The following TAF3 variants were observed in gnomAD, a reference collection of about 807,000 sequenced individuals.
The protein encoded by TAF3 is transcription initiation factor TFIID subunit 3.
TAF3 carries 7 observed loss-of-function variants against 80.6 expected under a neutral mutation model. The observed-to-expected ratio is 0.09, with a 90% CI of 0.05 to 0.16. TAF3 has a LOEUF of 0.16. Among genes scored for constraint, TAF3 ranks in the 10% least tolerant of loss-of-function variants. The pLI is 1.00. For missense variants in TAF3, 921 were observed against 1,140.2 expected (o/e 0.81, Z 2.77); for synonymous variants, 444 against 446.1 (o/e 1.00, Z 0.06).
intron 2 of TAF3, among the ~76,000 whole-genome samples, chr10:7,844,054 G>A (rs1024566361): frequency 2.0e-5 from 3 of 152,116 alleles, no homozygotes. Flanking sequence ...TTGATGCCTT[G>A]TTTTAGAAAG....
chr10:7,969,704 T>A (rs1831604371), intron 3 of TAF3, among the ~76,000 whole-genome samples: 1 of 152,194 alleles, frequency 6.6e-6, no homozygotes, highest in Admixed American at 6.5e-5. Flanking sequence ...GTTTTTACAT[T>A]CGAATATGAT....
intron 4 of TAF3, among the ~76,000 whole-genome samples, chr10:7,980,264 A>C (rs1327567171): frequency 1.3e-5 from 2 of 152,246 alleles, no homozygotes; most frequent in Non-Finnish European, 2.9e-5. Context: ...CAGGGTTCAA[A>C]TTATACCTTC....
intron 2 of TAF3, among the ~76,000 whole-genome samples, chr10:7,833,292 A>G (rs1186070449): frequency 2.0e-5 from 3 of 152,238 alleles, no homozygotes; most frequent in African/African-American, 7.2e-5. Flanking sequence ...ATAGTTTTCC[A>G]TGACTACTAA....
chr10:7,877,804 A>AT (rs1043525874), intron 2 of TAF3, among the ~76,000 whole-genome samples: 3 of 151,824 alleles, frequency 2.0e-5, no homozygotes, highest in Non-Finnish European at 4.4e-5. Context: ...TTCTTACTCC[A>AT]TTTTTTTTAA....
intron 2 of TAF3, among the ~76,000 whole-genome samples, chr10:7,916,731 AT>A (rs1837714914): frequency 6.6e-6 from 1 of 152,088 alleles, no homozygotes; most frequent in African/African-American, 2.4e-5. Context: ...AATCCTTTTT[AT>A]TTTTATGTAT....
intron 2 of TAF3, among the ~76,000 whole-genome samples, chr10:7,846,938 T>C (rs1836978319): frequency 6.6e-6 from 1 of 152,224 alleles, no homozygotes; most frequent in South Asian, 2.1e-4. Flanking sequence ...CAGAACATTA[T>C]ATTTCAAGAA....
intron 2 of TAF3, among the ~76,000 whole-genome samples, chr10:7,908,397 A>G (rs1386330813): frequency 2.6e-5 from 4 of 152,178 alleles, no homozygotes; most frequent in Non-Finnish European, 5.9e-5. Context: ...ATTAATCAAA[A>G]TCTCCTCAAC....
At chr10:7,894,722 A>C in intron 2 of TAF3, among the ~76,000 whole-genome samples, 1 of 152,216 alleles carries the variant, frequency 6.6e-6, no homozygotes, top group East Asian at 1.9e-4. Flanking sequence ...TAACAGAACT[A>C]ATGGAACTAT....
chr10:8,010,068 A>T (rs1832039873), intron 5 of TAF3, among the ~76,000 whole-genome samples: 1 of 151,696 alleles, frequency 6.6e-6, no homozygotes, highest in South Asian at 2.1e-4. Context: ...ACCACTCTCG[A>T]TTAGTTTTTT....
At chr10:7,829,438 T>G (rs983746401) in intron 2 of TAF3, among the ~76,000 whole-genome samples, 1 of 152,244 alleles carries the variant, frequency 6.6e-6, no homozygotes, top group African/African-American at 2.4e-5. Flanking sequence ...CACGTCTCCT[T>G]AGACTTTTCT....
rs540478212 is a variant in TAF3, at chr10:7,934,859, A to G, written c.410-29061A>G. ...CTATTCATTTCAAAAATATTCATTG[A>G]GCCCCTCCCATGCGGCAGGCATGTT... On this transcript the variant is annotated intron_variant, in intron 2 of 6. Coordinates refer to ENST00000344293, the MANE Select transcript of TAF3 (RefSeq NM_031923.4). Among the ~76,000 whole-genome samples, 29 of 152,352 alleles carry G rather than the reference A, an allele frequency of 1.9e-4. No homozygotes were observed. The East Asian group carries it at 5.2e-3, about 27-fold the overall frequency.
intron 2 of TAF3, among the ~76,000 whole-genome samples, chr10:7,935,984 A>G (rs1837915908): frequency 6.6e-6 from 1 of 152,160 alleles, no homozygotes; most frequent in Non-Finnish European, 1.5e-5. Flanking sequence ...TGCCGATTGT[A>G]GGGGCTCACG....
chr10:7,971,961 G>A (rs1831627292), intron 3 of TAF3, among the ~76,000 whole-genome samples: 2 of 152,178 alleles, frequency 1.3e-5, no homozygotes, highest in African/African-American at 4.8e-5. Flanking sequence ...TACCTACAAA[G>A]GAGTCTTATA....
At chr10:7,910,388 T>G (rs1837646465) in intron 2 of TAF3, among the ~76,000 whole-genome samples, 1 of 152,312 alleles carries the variant, frequency 6.6e-6, no homozygotes, top group African/African-American at 2.4e-5. Flanking sequence ...TTTATTTTAT[T>G]TATTATTTTT....
intron 2 of TAF3, among the ~76,000 whole-genome samples, chr10:7,903,844 C>G (rs1837582207): frequency 6.6e-6 from 1 of 151,586 alleles, no homozygotes; most frequent in African/African-American, 2.4e-5. Flanking sequence ...ATAGATCCTC[C>G]CCTTCAGGGG....
chr10:7,860,313 G>T (rs1837131424), intron 2 of TAF3, among the ~76,000 whole-genome samples: 1 of 151,414 alleles, frequency 6.6e-6, no homozygotes, highest in Non-Finnish European at 1.5e-5. Flanking sequence ...AAAAATTCAA[G>T]AAATGAATTA....
chr10:7,967,018 A>G (rs1241076594), intron 3 of TAF3, among the ~76,000 whole-genome samples: 1 of 152,216 alleles, frequency 6.6e-6, no homozygotes, highest in East Asian at 1.9e-4. Flanking sequence ...AAGCAGATCC[A>G]TACACCTTGT....
intron 2 of TAF3, among the ~76,000 whole-genome samples, chr10:7,888,171 G>C (rs1005424155): frequency 7.0e-6 from 1 of 142,232 alleles, no homozygotes; most frequent in African/African-American, 2.6e-5. Flanking sequence ...CCTGAACGCT[G>C]TCTTCCTCTA....
At chr10:7,871,096 G>A (rs962820772) in intron 2 of TAF3, among the ~76,000 whole-genome samples, 1 of 152,032 alleles carries the variant, frequency 6.6e-6, no homozygotes, top group African/African-American at 2.4e-5. Context: ...GTAGTCAGTC[G>A]TTTAATATAC....
Sources: gnomAD v4.1 joint callset for allele counts (sites outside exome capture counted in the v4.1 genomes callset) on GRCh38, gnomAD v4.1.1 for gene constraint, MANE v1.5 for transcripts, NCBI Gene and HGNC (gene_info 2026-07-23, HGNC 2026-07-21) for gene names.